The following PLPP4 variants were observed in gnomAD, a reference collection of about 807,000 sequenced individuals.
The protein encoded by PLPP4 is phospholipid phosphatase 4.
A neutral mutation model predicts 32.2 loss-of-function variants in PLPP4; 20 were observed. The observed-to-expected ratio is 0.62, with a 90% CI of 0.44 to 0.90. The LOEUF is 0.90. PLPP4 is among the 40% of genes least tolerant of loss of function. The pLI is 0.00. For synonymous variants in PLPP4, 127 were observed against 133.0 expected (o/e 0.95, Z 0.31); for missense variants, 257 against 353.1 (o/e 0.73, Z 2.18).
chr10:120,533,787 T>C (rs1269004484), intron 5 of PLPP4, among the ~76,000 whole-genome samples: 2 of 152,144 alleles, frequency 1.3e-5, no homozygotes, highest in East Asian at 3.8e-4. Context: ...ATTTGTTATA[T>C]TTACCTTCTT....
At chr10:120,548,998 T>C (rs899582861) in intron 5 of PLPP4, among the ~76,000 whole-genome samples, 6 of 152,026 alleles carry the variant, frequency 3.9e-5, no homozygotes. Flanking sequence ...ATGCATAGTT[T>C]GTAAATATTT....
chr10:120,505,864 G>A (rs1361429185), intron 2 of PLPP4, among the ~76,000 whole-genome samples: 1 of 152,102 alleles, frequency 6.6e-6, no homozygotes, highest in East Asian at 1.9e-4. Context: ...CTTTAATAGG[G>A]AGAAGCTTCT....
intron 1 of PLPP4, among the ~76,000 whole-genome samples, chr10:120,483,100 C>A (rs1248648637): frequency 6.6e-6 from 1 of 152,144 alleles, no homozygotes; most frequent in African/African-American, 2.4e-5. Context: ...CATCTTTCTC[C>A]CATGCTGAAT....
At chr10:120,480,270 T>G (rs1009264877) in intron 1 of PLPP4, among the ~76,000 whole-genome samples, 2 of 152,172 alleles carry the variant, frequency 1.3e-5, no homozygotes. Context: ...TTCTGACTAA[T>G]CCAGTAGTTA....
At chr10:120,557,695 G>T (rs574868864) in intron 5 of PLPP4, among the ~76,000 whole-genome samples, 43 of 152,272 alleles carry the variant, frequency 2.8e-4, no homozygotes, top group African/African-American at 1.0e-3. Flanking sequence ...GCTGCAGTCG[G>T]CATGCATAGC....
intron 1 of PLPP4, among the ~76,000 whole-genome samples, chr10:120,466,678 A>C (rs539975806): frequency 2.0e-5 from 3 of 152,232 alleles, no homozygotes; most frequent in African/African-American, 7.2e-5. Context: ...AGGTCAAAAC[A>C]CTCAAATCAT....
intron 6 of PLPP4, among the ~76,000 whole-genome samples, chr10:120,588,597 T>C (rs192476500): frequency 6.6e-6 from 1 of 152,174 alleles, no homozygotes; most frequent in Non-Finnish European, 1.5e-5. Flanking sequence ...TACAGGACTC[T>C]GATGGGAACT....
chr10:120,499,684 A>C (rs543981268), intron 1 of PLPP4, among the ~76,000 whole-genome samples: 6 of 152,246 alleles, frequency 3.9e-5, no homozygotes, highest in African/African-American at 1.2e-4. Flanking sequence ...GCTAGCTCTA[A>C]GGTCTTTTCT....
At chr10:120,527,071 G>A (rs1846428686) in intron 5 of PLPP4, among the ~76,000 whole-genome samples, 1 of 151,934 alleles carries the variant, frequency 6.6e-6, no homozygotes, top group Non-Finnish European at 1.5e-5. Flanking sequence ...AAACCAGTAG[G>A]ATGTCTGTCT....
At chr10:120,457,394 T>C (rs1479160379) in intron 1 of PLPP4, 33 bp downstream of exon 1, 1 of 1,521,926 alleles carries the variant, frequency 6.6e-7, no homozygotes, top group African/African-American at 1.4e-5. Context: ...CAGGGCGCAC[T>C]GACGCGGGGG....
At chr10:120,470,771 C>T (rs1332701259) in intron 1 of PLPP4, among the ~76,000 whole-genome samples, 1 of 151,566 alleles carries the variant, frequency 6.6e-6, no homozygotes, top group African/African-American at 2.4e-5. Flanking sequence ...AAAATTTGCC[C>T]CCCCGTACTC....
At chr10:120,508,411 T>G (rs1414412000) in intron 2 of PLPP4, among the ~76,000 whole-genome samples, 1 of 152,150 alleles carries the variant, frequency 6.6e-6, no homozygotes, top group Non-Finnish European at 1.5e-5. Context: ...GGGCCCATTG[T>G]TTTGTTTTGT....
At chr10:120,547,065 A>T (rs912895353) in intron 5 of PLPP4, among the ~76,000 whole-genome samples, 3 of 152,102 alleles carry the variant, frequency 2.0e-5, no homozygotes, top group Non-Finnish European at 4.4e-5. Flanking sequence ...GTTCTTTTTT[A>T]AAAAATAGAT....
At chr10:120,460,706 A>G (rs1848003297) in intron 1 of PLPP4, among the ~76,000 whole-genome samples, 1 of 152,118 alleles carries the variant, frequency 6.6e-6, no homozygotes, top group African/African-American at 2.4e-5. Context: ...CAAGGTCTGG[A>G]CTCTCAATCA....
intron 1 of PLPP4, among the ~76,000 whole-genome samples, chr10:120,494,199 C>G (rs184586488): frequency 6.6e-6 from 1 of 152,316 alleles, no homozygotes; most frequent in East Asian, 1.9e-4. Flanking sequence ...AGACTTTACA[C>G]TGCTCAAATT....
chr10:120,487,287 T>C (rs1180030952), intron 1 of PLPP4, among the ~76,000 whole-genome samples: 1 of 152,226 alleles, frequency 6.6e-6, no homozygotes, highest in Non-Finnish European at 1.5e-5. Context: ...AGTTTTATTG[T>C]TACGCTTTTA....
chr10:120,523,748 A>G (rs1846269160), intron 5 of PLPP4, among the ~76,000 whole-genome samples: 2 of 152,226 alleles, frequency 1.3e-5, no homozygotes. Context: ...AGAAATTAAA[A>G]GCACCTAAGA....
At chr10:120,564,479 T>A (rs1848594881) in intron 5 of PLPP4, among the ~76,000 whole-genome samples, 2 of 151,872 alleles carry the variant, frequency 1.3e-5, no homozygotes, top group African/African-American at 4.8e-5. Flanking sequence ...TAGAACAAGA[T>A]TGTTAATTTG....
chr10:120,575,527 A>G (rs918565564), intron 6 of PLPP4, among the ~76,000 whole-genome samples: 4 of 152,224 alleles, frequency 2.6e-5, no homozygotes. Flanking sequence ...TTCATGCTCC[A>G]GGAGACTGCT....
Sources: gnomAD v4.1 joint callset for allele counts (sites outside exome capture counted in the v4.1 genomes callset) on GRCh38, gnomAD v4.1.1 for gene constraint, MANE v1.5 for transcripts, NCBI Gene and HGNC (gene_info 2026-07-23, HGNC 2026-07-21) for gene names.